TWNK: variants seen among roughly 807,000 people sequenced by gnomAD.
TWNK encodes T7 gp4-like protein with intramitochondrial nucleoid localization.
In TWNK, 36 loss-of-function variants were observed where a neutral mutation model predicts 58.2. That is an observed-to-expected ratio of 0.62 (90% CI 0.47 to 0.82). TWNK has a LOEUF of 0.82. Among genes scored for constraint, TWNK ranks in the 40% least tolerant of loss-of-function variants. TWNK has a pLI of 0.00. For missense variants in TWNK, 714 were observed against 881.0 expected (o/e 0.81, Z 2.40); for synonymous variants, 349 against 348.5 (o/e 1.00, Z -0.02).
rs116741051 is a variant in TWNK at position 100,990,793 on chromosome 10, T to C, written c.1593-76T>C. 7.3e-4 allele frequency: 1,158 copies of C among 1,591,980 alleles called. 12 individuals carry two copies. In the African/African-American group the frequency reaches 0.014, roughly 20 times the overall value. ...GGTTGTGGTAGTTTGTGGGGAGATG[T>C]GAATGGATCAAGAGTATGTGTATGT... On this transcript the variant is annotated intron_variant, in intron 3 of 4. Coordinates refer to ENST00000311916, the MANE Select transcript of TWNK (RefSeq NM_021830.5).
Position 100,993,329 on chromosome 10 carries a change from C to T in TWNK, c.1874C>T (p.Ser625Phe), listed in dbSNP as rs1851837001. Residue 625 changes from serine to phenylalanine, a missense_variant, in exon 5 of 5, where the codon TCC becomes TTC. Transcript: ENST00000311916. Reference sequence around the variant, plus strand: ...TTCCCGCTTGAGTTCAACAAGAACTCCCTCACCTTCTCCATTCCACCAAAG... The same window carrying T: ...TTCCCGCTTGAGTTCAACAAGAACTTCCTCACCTTCTCCATTCCACCAAAG... Reference protein sequence around the residue: ...GVFPLEFNKNSLTFSIPPKNK... With the variant: ...GVFPLEFNKNFLTFSIPPKNK... 1.2e-6 allele frequency: 2 copies of T among 1,614,046 alleles called. No homozygotes were observed. The highest frequency in any genetic ancestry group is 2.7e-5 in the African/African-American group (2 of 74,904).
rs1162343148 is a variant in TWNK, at chr10:100,990,715, G to A, written c.1593-154G>A. The A allele has an allele frequency of 4.4e-6, 7 of 1,583,916 alleles. No homozygotes were observed. In the Middle Eastern group the frequency reaches 5.7e-4, roughly 129 times the overall value. On this transcript the variant is annotated intron_variant, in intron 3 of 4. Transcript: ENST00000311916. ...ATGGAGGTGTGGGGTATGGCAGCAG[G>A]ATGTATGGACAGGGATCTGAGTGTG...
chr10:100,987,685 A>G lies in TWNK; in HGVS notation c.-526A>G. The G allele has an allele frequency of 1.7e-6, 1 of 600,720 alleles. No homozygotes were observed. The highest frequency in any genetic ancestry group is 2.9e-6 in the Non-Finnish European group (1 of 341,972). 37.2% of individuals were successfully genotyped at this position (600,720 alleles called of 1,614,324 possible). ...GCGGAGTGAAGACACGGGGGAGGAT[A>G]GAGACTGGCATTCCTTTGGGCCGGG... On this transcript the variant is annotated 5_prime_UTR_variant, in exon 1 of 5. The change creates a new upstream start codon in the 5' untranslated region. Transcript: ENST00000311916.
At chr10:100,993,047 A>G (rs1215200370) in intron 4 of TWNK, 143 bp from the exon 5 acceptor site, 1 of 863,736 alleles carries the variant, frequency 1.2e-6, no homozygotes, top group East Asian at 2.5e-5. Context: ...CGGCCTCCCA[A>G]AGTTCTGGGA....
rs1316029826 is a variant in TWNK at position 100,990,943 on chromosome 10, T to C, written c.1667T>C (p.Val556Ala). Residue 556 changes from valine (V) to alanine (A), a missense_variant, in exon 4 of 5, where the codon GTC (valine) becomes GCC (alanine). Transcript: ENST00000311916. Reference sequence around the variant, plus strand: ...GACAATAACTGCCATGTGACACTGGTCATTCACCCCCGGAAAGAGGATGAT... The same window carrying C: ...GACAATAACTGCCATGTGACACTGGCCATTCACCCCCGGAAAGAGGATGAT... The part of the protein sequence containing the change: ...ATDNNCHVTL[V>A]IHPRKEDDDK... 9 of 1,614,204 alleles carry C rather than the reference T, an allele frequency of 5.6e-6. No homozygotes were observed. The highest frequency in any genetic ancestry group is 7.6e-6 in the Non-Finnish European group (9 of 1,180,042).
intron 3 of TWNK, 112 bp downstream of exon 3, chr10:100,990,655 T>C: frequency 1.2e-6 from 2 of 1,607,642 alleles, no homozygotes; most frequent in Non-Finnish European, 1.7e-6. Context: ...TTTTCTGAGA[T>C]GTGTGCAGGC....
chr10:100,993,643 G>A lies in TWNK; in HGVS notation c.*133G>A. The A allele has an allele frequency of 8.1e-6, 8 of 990,238 alleles. No homozygotes were observed. Among genetic ancestry groups the A allele is most frequent in the South Asian group, 4.3e-5 (3 of 69,406 alleles). 61.3% of individuals were successfully genotyped at this position (990,238 alleles called of 1,614,324 possible). ...GTCTGAGGGGCCTAACCTAGAGCAG[G>A]TTTCCATAGTGAGAAAATTCAATGT... On this transcript the variant is annotated 3_prime_UTR_variant, in exon 5 of 5. Coordinates refer to ENST00000311916, the MANE Select transcript of TWNK (RefSeq NM_021830.5).
Position 100,987,618 on chromosome 10 carries a change from C to G in TWNK, c.-593C>G. On this transcript the variant is annotated 5_prime_UTR_variant, in exon 1 of 5. Transcript: ENST00000311916. ...GAAGTGGGAGAGAGAAAAGTGGTAA[C>G]CTGGGGCTGGGGGCCGGCGCGGCGG... 1 of 968,722 alleles carries G rather than the reference C, an allele frequency of 1.0e-6. No homozygotes were observed. Among genetic ancestry groups the G allele is most frequent in the Non-Finnish European group, 1.5e-6 (1 of 673,980 alleles). 60.0% of individuals were successfully genotyped at this position (968,722 alleles called of 1,614,324 possible).
In TWNK at chr10:100,987,757, A is replaced by T. The variant is rs1340214481; in HGVS notation, c.-454A>T. 6.9e-6 allele frequency: 4 copies of T among 582,192 alleles called. No individual in the cohort carries two copies. The highest frequency in any genetic ancestry group is 1.2e-5 in the Non-Finnish European group (4 of 329,958). The allele number at this position is 582,192 out of a possible 1,614,324, so 36.1% of individuals were successfully genotyped here. On this transcript the variant is annotated 5_prime_UTR_variant, in exon 1 of 5. Transcript: ENST00000311916. Reference sequence around the variant, plus strand: ...GGTGCTCTCGCCGTGTTGAGGTCCCAGTGAGGGGAAGGAGAAGCGGAAGAG... The same window carrying T: ...GGTGCTCTCGCCGTGTTGAGGTCCCTGTGAGGGGAAGGAGAAGCGGAAGAG...
chr10:100,990,765 G>A, intron 3 of TWNK, 104 bp from the exon 4 acceptor site: 2 of 1,566,072 alleles, frequency 1.3e-6, no homozygotes, highest in Non-Finnish European at 1.8e-6. Context: ...GGGAGGTAGA[G>A]TGGGTTGTGG....
In TWNK at chr10:100,993,552, A is replaced by G. The variant is rs537263763; in HGVS notation, c.*42A>G. On this transcript the variant is annotated 3_prime_UTR_variant, in exon 5 of 5. Coordinates refer to ENST00000311916, the MANE Select transcript of TWNK (RefSeq NM_021830.5). Reference sequence around the variant, plus strand: ...GTCACTGAAATGAGCCTGATAGGATAGGCTGGAGCATAAAACTCTGCAAGG... The same window carrying G: ...GTCACTGAAATGAGCCTGATAGGATGGGCTGGAGCATAAAACTCTGCAAGG... 6.2e-7 allele frequency: 1 copy of G among 1,605,148 alleles called. No homozygotes were observed. The highest frequency in any genetic ancestry group is 8.5e-7 in the Non-Finnish European group (1 of 1,173,082).
chr10:100,989,816 T>C lies in TWNK; in HGVS notation c.1416T>C (p.Asp472=), dbSNP rs772765028. Reference sequence around the variant, plus strand: ...TGGAAGATCAACTGGACAAATATGATCACTGGGCTGACCGCTTTGAGGACC... The same window carrying C: ...TGGAAGATCAACTGGACAAATATGACCACTGGGCTGACCGCTTTGAGGACC... ...GRLEDQLDKY[D]HWADRFEDLP... is the part of the protein sequence containing the mutation. Residue 472 remains aspartate, a synonymous_variant, in exon 2 of 5, where the codon GAT becomes GAC. Coordinates refer to ENST00000311916, the MANE Select transcript of TWNK (RefSeq NM_021830.5). This position sits in a 1 kb window ranked among gnomAD's most constrained non-coding sequence, Gnocchi z 7.6. 7 of 1,614,036 alleles carry C rather than the reference T, an allele frequency of 4.3e-6. No homozygotes were observed. The highest frequency in any genetic ancestry group is 2.2e-5 in the East Asian group (1 of 44,898).
At position 100,993,384 on chromosome 10, in the gene TWNK, T is replaced by C; in HGVS notation, c.1929T>C (p.Asp643=). The C allele has an allele frequency of 6.2e-7, 1 of 1,614,180 alleles. No individual in the cohort carries two copies. Among genetic ancestry groups the C allele is most frequent in the Non-Finnish European group, 8.5e-7 (1 of 1,180,034 alleles). ...AGGCCCGGCTCAAGAAGATCAAGGATGACACTGGACCAGTGGCCAAAAAGC... is the reference window on the plus strand; with the variant it reads ...AGGCCCGGCTCAAGAAGATCAAGGACGACACTGGACCAGTGGCCAAAAAGC... ...KNKARLKKIK[D]DTGPVAKKPS... Residue 643 remains aspartate, a synonymous_variant, in exon 5 of 5, where the codon GAT becomes GAC. Coordinates refer to ENST00000311916, the MANE Select transcript of TWNK (RefSeq NM_021830.5).
Position 100,993,222 on chromosome 10 carries a change from G to A in TWNK, c.1767G>A (p.Leu589=), listed in dbSNP as rs150166075. Residue 589 remains leucine (L), a synonymous_variant, in exon 5 of 5, where the codon CTG becomes CTA. Coordinates refer to ENST00000311916, the MANE Select transcript of TWNK (RefSeq NM_021830.5). ...AGGAAGCAGACAATGTTCTGATCCTGCAGGACAGGAAGCTGGTAACCGGGC... is the reference window on the plus strand; with the variant it reads ...AGGAAGCAGACAATGTTCTGATCCTACAGGACAGGAAGCTGGTAACCGGGC... ...ASQEADNVLI[L]QDRKLVTGPG... The A allele has an allele frequency of 6.2e-7, 1 of 1,614,066 alleles. No homozygotes were observed.
Position 100,988,309 on chromosome 10 carries a change from A to C in TWNK, c.99A>C (p.Pro33=). The C allele has an allele frequency of 6.2e-7, 1 of 1,614,202 alleles. No individual in the cohort carries two copies. The highest frequency in any genetic ancestry group is 1.1e-5 in the South Asian group (1 of 91,092). Residue 33 remains proline, a synonymous_variant, in exon 1 of 5, where the codon CCA becomes CCC. Coordinates refer to ENST00000311916, the MANE Select transcript of TWNK (RefSeq NM_021830.5). The surrounding 1 kb of genome is among the most constrained non-coding windows in gnomAD (Gnocchi z 5.2). The part of the protein sequence containing the change: ...GRRGLPRNLA[P]GPPRRRYRKE... Reference sequence around the variant, plus strand: ...GGGGCCTGCCCCGAAACTTGGCCCCAGGCCCTCCTCGCAGACGTTACAGGA... The same window carrying C: ...GGGGCCTGCCCCGAAACTTGGCCCCCGGCCCTCCTCGCAGACGTTACAGGA...
intron 4 of TWNK, among the ~76,000 whole-genome samples, chr10:100,991,458 G>A (rs1851773103): frequency 6.6e-6 from 1 of 152,200 alleles, no homozygotes; most frequent in Non-Finnish European, 1.5e-5. Flanking sequence ...CAATCCTGGA[G>A]CTTCTAGTGT....
chr10:100,990,825 C>T (rs2133941986), intron 3 of TWNK, 44 bp from the exon 4 acceptor site: 2 of 1,609,200 alleles, frequency 1.2e-6, no homozygotes, highest in Non-Finnish European at 1.7e-6. Context: ...ATGTTCTTGT[C>T]CTTCTGTGTC....
Position 100,990,879 on chromosome 10 carries a change from C to T in TWNK, c.1603C>T (p.Gln535Ter). 1 of 1,614,212 alleles carries T rather than the reference C, an allele frequency of 6.2e-7. No individual in the cohort carries two copies. Reference sequence around the variant, plus strand: ...GTTGGGATGGCGTAGGATCGCAGCTCAAGACTACATCATCGGGGTCTTTCG... The same window carrying T: ...GTTGGGATGGCGTAGGATCGCAGCTTAAGACTACATCATCGGGGTCTTTCG... ...EQLSTDRIAA[Q>*]DYIIGVFRKF... Residue 535 changes from glutamine to a stop codon, truncating the protein, a stop_gained, in exon 4 of 5, where the codon CAA becomes TAA. Coordinates refer to ENST00000311916, the MANE Select transcript of TWNK (RefSeq NM_021830.5). LOFTEE classifies it high-confidence loss of function.
intron 3 of TWNK, 147 bp downstream of exon 3, chr10:100,990,690 A>AT (rs1423911731): frequency 1.3e-5 from 20 of 1,596,220 alleles, no homozygotes; most frequent in Non-Finnish European, 1.7e-5. Context: ...TGTGTATCAT[A>AT]TGGAGGTGTG....
Sources: gnomAD v4.1 joint callset for allele counts (sites outside exome capture counted in the v4.1 genomes callset) on GRCh38, gnomAD v4.1.1 for gene constraint, Gnocchi (gnomAD v3.1) non-coding constraint, MANE v1.5 for transcripts, NCBI Gene and HGNC (gene_info 2026-07-23, HGNC 2026-07-21) for gene names.